Variants in NLGN1 observed in about 807,000 individuals in gnomAD.
NLGN1 encodes the protein neuroligin 1, also known as neuroligin-1.
A neutral mutation model predicts 65.5 loss-of-function variants in NLGN1; 12 were observed. The ratio of observed to expected loss-of-function variants is 0.18; its 90% CI spans 0.12 to 0.30. The LOEUF (loss-of-function observed/expected upper bound fraction) is 0.30, where lower values mean the gene tolerates loss of function less well. Ranked by LOEUF, NLGN1 falls within the 10% of genes least tolerant of loss-of-function variation. The probability of loss-of-function intolerance (pLI) is 1.00; values close to 1 mark genes in which losing one functional copy is unlikely to be tolerated. For synonymous variants in NLGN1, 350 were observed against 359.5 expected (o/e 0.97, Z 0.30); for missense variants, 750 against 1,007.1 (o/e 0.74, Z 3.46).
chr3:173,534,987 CA>C (rs1447249234), intron 2 of NLGN1, among the ~76,000 whole-genome samples: 1 of 152,118 alleles, frequency 6.6e-6, no homozygotes, highest in Non-Finnish European at 1.5e-5. Context: ...CTGAAGGGAA[CA>C]AAAGCACTAA....
intron 4 of NLGN1, among the ~76,000 whole-genome samples, chr3:174,117,172 T>A (rs1716661503): frequency 6.6e-6 from 1 of 151,844 alleles, no homozygotes; most frequent in African/African-American, 2.4e-5. Flanking sequence ...TTTGTTTTGC[T>A]ATCATTCCCT....
At chr3:174,256,009 T>G (rs1745684776) in intron 4 of NLGN1, among the ~76,000 whole-genome samples, 2 of 152,188 alleles carry the variant, frequency 1.3e-5, no homozygotes, top group Non-Finnish European at 1.5e-5. Flanking sequence ...GTTTTAAATG[T>G]ATTGAGCATA....
chr3:173,734,381 A>ATTTTTTTTTTTTTTTT lies in NLGN1; in HGVS notation c.494-73282_494-73267dup, dbSNP rs71162356. Among the ~76,000 whole-genome samples the ATTTTTTTTTTTTTTTT allele has an allele frequency of 2.0e-3, 80 of 40,080 alleles. 1 individual carries two copies. Among genetic ancestry groups the ATTTTTTTTTTTTTTTT allele is most frequent in the Non-Finnish European group, 2.7e-3 (67 of 24,786 alleles). 26.3% of individuals were successfully genotyped at this position (40,080 alleles called of 152,430 possible). On this transcript the variant is annotated intron_variant, in intron 3 of 6. Transcript: ENST00000457714. ...ATAATTAGATTCTGTGGATAATTCT[A>ATTTTTTTTTTTTTTTT]TTTTTTTTTTTTTTTTTTTTTTTTT...
intron 4 of NLGN1, among the ~76,000 whole-genome samples, chr3:173,829,270 C>T (rs573490039): frequency 1.3e-5 from 2 of 151,958 alleles, no homozygotes; most frequent in South Asian, 4.1e-4. Flanking sequence ...TTTGAAATGC[C>T]TATTAAGTAT....
chr3:173,602,865 A>C (rs1750765896), intron 2 of NLGN1, among the ~76,000 whole-genome samples: 5 of 152,066 alleles, frequency 3.3e-5, no homozygotes, highest in Admixed American at 3.3e-4. Context: ...ATCTTCGATA[A>C]ATGCTAGAGT....
rs1452870575 is a variant in NLGN1 at position 173,628,994 on chromosome 3, C to T, written c.493+23903C>T. On this transcript the variant is annotated intron_variant, in intron 3 of 6. Transcript: ENST00000457714. The stretch of plus-strand genomic sequence containing the variant: ...CACGCTGAATATAATATTTTTATTA[C>T]TTATCTCAGTGAGATCAGAGCACTT... 2.3e-5 allele frequency among the ~76,000 whole-genome samples: 3 copies of T among 128,812 alleles called. No homozygotes were observed. The East Asian group carries it at 6.5e-4, about 28-fold the overall frequency. The allele number at this position is 128,812 out of a possible 152,430, so 84.5% of individuals were successfully genotyped here. A position where few individuals can be genotyped will look rare whatever the true frequency, so the allele number is the denominator to read the frequency against.
intron 2 of NLGN1, among the ~76,000 whole-genome samples, chr3:173,584,164 G>A (rs1322044542): frequency 6.7e-6 from 1 of 149,514 alleles, no homozygotes; most frequent in African/African-American, 2.5e-5. Context: ...CTGTATTCAA[G>A]TAGTCATATA....
At chr3:174,041,995 AG>A (rs1732422512) in intron 4 of NLGN1, among the ~76,000 whole-genome samples, 1 of 152,106 alleles carries the variant, frequency 6.6e-6, no homozygotes, top group Non-Finnish European at 1.5e-5. Flanking sequence ...TAGAGGTTGC[AG>A]TGAGCTGAGA....
chr3:173,459,816 T>C (rs114325938), intron 2 of NLGN1, among the ~76,000 whole-genome samples: 4,256 of 152,190 alleles, frequency 0.028, 203 homozygotes, highest in African/African-American at 0.095. Flanking sequence ...TTAAATACTA[T>C]AATAGCATAT....
At chr3:173,742,554 T>C (rs1006455724) in intron 3 of NLGN1, among the ~76,000 whole-genome samples, 6 of 152,134 alleles carry the variant, frequency 3.9e-5, no homozygotes, top group African/African-American at 1.4e-4. Context: ...GATTAAGAGA[T>C]TTCTTTAATT....
intron 2 of NLGN1, among the ~76,000 whole-genome samples, chr3:173,480,628 G>T (rs975525129): frequency 6.6e-6 from 1 of 152,000 alleles, no homozygotes; most frequent in Non-Finnish European, 1.5e-5. Context: ...TCATTAAATT[G>T]GTAGTAAATG....
Position 174,172,345 on chromosome 3 carries a change from G to T in NLGN1, c.647-102970G>T, listed in dbSNP as rs184711679. On this transcript the variant is annotated intron_variant, in intron 4 of 6. Transcript: ENST00000457714. ...TTTAAATTATAATTAAATTATTTTT[G>T]ACTATGATCACCCTGTTGTAGTAGC... Among the ~76,000 whole-genome samples, 213 of 152,002 alleles carry T rather than the reference G, an allele frequency of 1.4e-3. 1 individual carries two copies. The highest frequency in any genetic ancestry group is 4.5e-3 in the African/African-American group (186 of 41,476).
chr3:173,701,271 A>C (rs1328638319), intron 3 of NLGN1, among the ~76,000 whole-genome samples: 1 of 152,206 alleles, frequency 6.6e-6, no homozygotes, highest in Non-Finnish European at 1.5e-5. Context: ...AACTTTACAG[A>C]TGTTATAGCG....
At chr3:174,070,003 A>G (rs554573283) in intron 4 of NLGN1, among the ~76,000 whole-genome samples, 1 of 152,302 alleles carries the variant, frequency 6.6e-6, no homozygotes, top group Non-Finnish European at 1.5e-5. Context: ...GCTAATGTAC[A>G]ATACTGAGGA....
At chr3:174,000,493 T>C (rs1014779489) in intron 4 of NLGN1, among the ~76,000 whole-genome samples, 2 of 152,142 alleles carry the variant, frequency 1.3e-5, no homozygotes, top group African/African-American at 4.8e-5. Context: ...CCTACCTTCT[T>C]TTGGATTCTG....
At chr3:174,176,195 C>A (rs1369158899) in intron 4 of NLGN1, among the ~76,000 whole-genome samples, 4 of 151,704 alleles carry the variant, frequency 2.6e-5, no homozygotes, top group African/African-American at 9.7e-5. Context: ...ATTTTTAGTG[C>A]AAAATATCAT....
At chr3:173,940,383 C>T (rs184154757) in intron 4 of NLGN1, among the ~76,000 whole-genome samples, 1 of 152,130 alleles carries the variant, frequency 6.6e-6, no homozygotes, top group East Asian at 1.9e-4. Flanking sequence ...GCTACCATGC[C>T]CGGCCTCAAA....
intron 3 of NLGN1, among the ~76,000 whole-genome samples, chr3:173,725,472 A>G (rs1399270599): frequency 6.6e-6 from 1 of 152,178 alleles, no homozygotes; most frequent in Non-Finnish European, 1.5e-5. Flanking sequence ...GCACATATTA[A>G]ATGCTCAACA....
intron 4 of NLGN1, among the ~76,000 whole-genome samples, chr3:174,009,881 A>G (rs1036042989): frequency 6.6e-6 from 1 of 152,238 alleles, no homozygotes; most frequent in East Asian, 1.9e-4. Context: ...GAGAGCATTT[A>G]TAGCTTGAGC....
Sources: gnomAD v4.1 joint callset for allele counts (sites outside exome capture counted in the v4.1 genomes callset) on GRCh38, gnomAD v4.1.1 for gene constraint, MANE v1.5 for transcripts, NCBI Gene and HGNC (gene_info 2026-07-23, HGNC 2026-07-21) for gene names.